The following ZFP64 variants were observed in gnomAD, a reference collection of about 807,000 sequenced individuals.
ZFP64 encodes ZFP64 zinc finger protein, also known as zinc finger protein 64.
In ZFP64, 14 loss-of-function variants were observed where a neutral mutation model predicts 51.6. The observed-to-expected ratio is 0.27, with a 90% CI of 0.18 to 0.42. The LOEUF (loss-of-function observed/expected upper bound fraction) is 0.42, where lower values mean the gene tolerates loss of function less well. ZFP64 is among the 10% of genes least tolerant of loss of function. The pLI is 1.00. For synonymous variants in ZFP64, 375 were observed against 361.4 expected (o/e 1.04, Z -0.43); for missense variants, 754 against 906.8 (o/e 0.83, Z 2.16).
At chr20:52,148,271 A>C (rs1445947824), downstream of ZFP64, among the ~76,000 whole-genome samples, 1 of 152,188 alleles carries the variant, frequency 6.6e-6, no homozygotes, top group Non-Finnish European at 1.5e-5. Flanking sequence ...TCAGATCTAT[A>C]ATCTTCCAGA....
In ZFP64 at chr20:52,191,367, A is replaced by G. The variant is rs1159613873; in HGVS notation, c.46+224T>C. On this transcript the variant is annotated intron_variant, in intron 1 of 5. Transcript: ENST00000216923. The surrounding 1 kb of genome is among the most constrained non-coding windows in gnomAD (Gnocchi z 4.3). Reference sequence around the variant, plus strand: ...CTTCCAAGGGGTCTCGCAAGGCTGGAGAGCGCCCCCGGTCTTGCGCCAGGT... The same window carrying G: ...CTTCCAAGGGGTCTCGCAAGGCTGGGGAGCGCCCCCGGTCTTGCGCCAGGT... Among the ~76,000 whole-genome samples the G allele has an allele frequency of 6.6e-6, 1 of 152,126 alleles. No individual in the cohort carries two copies. The highest frequency in any genetic ancestry group is 1.5e-5 in the Non-Finnish European group (1 of 68,000).
intron 5 of ZFP64, among the ~76,000 whole-genome samples, chr20:52,136,573 A>G (rs1371686294): frequency 6.6e-6 from 1 of 152,220 alleles, no homozygotes; most frequent in Non-Finnish European, 1.5e-5. Context: ...ATAACTGAAA[A>G]TAAACTGTAT....
At chr20:52,154,363 G>T (rs534079728) in intron 5 of ZFP64, among the ~76,000 whole-genome samples, 6 of 152,240 alleles carry the variant, frequency 3.9e-5, no homozygotes, top group African/African-American at 1.4e-4. Flanking sequence ...CAGAGGAGAA[G>T]GCTGAGACCC....
At chr20:52,111,109 G>C in intron 5 of ZFP64, 1 of 874,306 alleles carries the variant, frequency 1.1e-6, no homozygotes, top group East Asian at 2.6e-5. Flanking sequence ...GAGAGACGCG[G>C]AGCGGGGCAC....
At position 52,152,259 on chromosome 20, in the gene ZFP64, G is replaced by T. The variant is rs1980875817; in HGVS notation, c.1933C>A (p.Pro645Thr). 2 of 1,614,168 alleles carry T rather than the reference G, an allele frequency of 1.2e-6. No individual in the cohort carries two copies. Among genetic ancestry groups the T allele is most frequent in the Non-Finnish European group, 1.7e-6 (2 of 1,180,022 alleles). ...TGGGAAGAGGAGGAGAAGACCGGTG[G>T]CGCTGTGGTGGCCACTGCGATGTTC... ...GQNIAVATTA[P>T]PVFSSSSQQE... The change falls in exon 6 of 6, where the codon CCA becomes ACA. Residue 645 changes from proline (P) to threonine (T), a missense_variant. This residue lies in a region of ZFP64 where 428 missense variants were observed against 472.4 expected (regional missense o/e 0.91). Coordinates refer to ENST00000216923, the MANE Select transcript of ZFP64 (RefSeq NM_018197.3).
chr20:52,170,993 G>A (rs1001886915), intron 2 of ZFP64, among the ~76,000 whole-genome samples: 1 of 152,202 alleles, frequency 6.6e-6, no homozygotes, highest in African/African-American at 2.4e-5. Flanking sequence ...GGTCCAGGAA[G>A]GCCTCAGTGA....
chr20:52,168,626 C>T (rs1309826521), intron 2 of ZFP64, among the ~76,000 whole-genome samples: 1 of 152,162 alleles, frequency 6.6e-6, no homozygotes, highest in African/African-American at 2.4e-5. Context: ...GGCAGTAGAA[C>T]TTAACCCAGC....
At chr20:52,167,470 CCTCCCTCCCTTCCTCCCTCCCTTCTTCT>C (rs1275122428) in intron 2 of ZFP64, among the ~76,000 whole-genome samples, 10 of 84,452 alleles carry the variant, frequency 1.2e-4, no homozygotes, top group Admixed American at 4.0e-4. Flanking sequence ...AGGCATGTTT[CCTCCCTCCCTTCCTCCCTCCCTTCTTCT>C]CTCCCTCCCT....
chr20:52,130,027 A>G (rs1979647372), intron 5 of ZFP64, among the ~76,000 whole-genome samples: 1 of 151,748 alleles, frequency 6.6e-6, no homozygotes, highest in Non-Finnish European at 1.5e-5. Context: ...TTTGCCTGGA[A>G]CTCTGTTCCT....
intron 5 of ZFP64, among the ~76,000 whole-genome samples, chr20:52,154,903 G>A (rs1981176762): frequency 6.6e-6 from 1 of 152,048 alleles, no homozygotes; most frequent in African/African-American, 2.4e-5. Flanking sequence ...TTTACTATCT[G>A]GCCCTTTTCA....
downstream of ZFP64, among the ~76,000 whole-genome samples, chr20:52,149,193 T>G (rs1452461597): frequency 6.6e-6 from 1 of 151,442 alleles, no homozygotes; most frequent in Non-Finnish European, 1.5e-5. Context: ...GATGAGACTA[T>G]CATTGTGAAA....
chr20:52,094,587 C>T (rs891304361), intron 7 of ZFP64, among the ~76,000 whole-genome samples: 4 of 152,018 alleles, frequency 2.6e-5, no homozygotes, highest in Non-Finnish European at 4.4e-5. Flanking sequence ...AGTGAGACCT[C>T]GTCACTACAA....
chr20:52,112,625 T>TTTTTTTC (rs1555881122), intron 5 of ZFP64, among the ~76,000 whole-genome samples: 2 of 150,068 alleles, frequency 1.3e-5, no homozygotes, highest in Admixed American at 6.6e-5. Flanking sequence ...TTTTTTTTTT[T>TTTTTTTC]CTTTGTTGGG....
Position 52,107,843 on chromosome 20 carries a change from G to A in ZFP64, c.764-9256C>T, listed in dbSNP as rs553724134. Among the ~76,000 whole-genome samples the A allele has an allele frequency of 3.2e-4, 49 of 152,324 alleles. 1 individual carries two copies. Among genetic ancestry groups the A allele is most frequent in the African/African-American group, 1.1e-3 (45 of 41,586 alleles). On this transcript the variant is annotated intron_variant, in intron 5 of 8. Transcript: ENST00000361387. ...TATGATCTTTCTAAAAAGTGTCAGA[G>A]TTTCTCGTGAGTGAGTGTGTACCTG...
intron 5 of ZFP64, among the ~76,000 whole-genome samples, chr20:52,109,744 G>A (rs954164723): frequency 1.8e-4 from 25 of 135,208 alleles, no homozygotes; most frequent in African/African-American, 3.7e-4. Flanking sequence ...TCGTGCCACT[G>A]TACTCCAGCC....
Position 52,136,802 on chromosome 20 carries a change from T to C in ZFP64, c.763+23321A>G, listed in dbSNP as rs575947021. On this transcript the variant is annotated intron_variant, in intron 5 of 8. Transcript: ENST00000361387. The stretch of plus-strand genomic sequence containing the variant: ...GTTTTTTTGAGATGGAGTCTCACTC[T>C]GTCTCCCAGGCTGGAGTATAGTGGC... Among the ~76,000 whole-genome samples the C allele has an allele frequency of 4.1e-4, 63 of 152,312 alleles. No individual in the cohort carries two copies. The South Asian group carries it at 0.013, about 32-fold the overall frequency.
In ZFP64 at chr20:52,085,282, G is replaced by A; in HGVS notation, c.1229-16C>T. ...GGGGTATCCCCTAGCAATGGAAGGTGTGTTTCCATTAGAACAGGCAGGCAA... is the reference window on the plus strand; with the variant it reads ...GGGGTATCCCCTAGCAATGGAAGGTATGTTTCCATTAGAACAGGCAGGCAA... On this transcript the variant is annotated splice_polypyrimidine_tract_variant and intron_variant, in intron 8 of 8. Coordinates refer to the ZFP64 transcript ENST00000361387. The surrounding 1 kb of genome is among the most constrained non-coding windows in gnomAD (Gnocchi z 4.3). 6.3e-7 allele frequency: 1 copy of A among 1,595,906 alleles called. No homozygotes were observed. The highest frequency in any genetic ancestry group is 1.1e-5 in the South Asian group (1 of 87,800).
intron 2 of ZFP64, among the ~76,000 whole-genome samples, chr20:52,175,743 C>G (rs986409606): frequency 9.9e-5 from 15 of 152,174 alleles, no homozygotes; most frequent in Non-Finnish European, 1.5e-5. Context: ...ACGTGGGAGG[C>G]TGAGGCAGGA....
chr20:52,084,938 C>G (rs1362359983), exon 9 of ZFP64: 1 of 1,613,824 alleles, frequency 6.2e-7, no homozygotes, highest in South Asian at 1.1e-5. Context: ...AGGGACGGTC[C>G]TTACAGTGGA....
Sources: gnomAD v4.1 joint callset for allele counts (sites outside exome capture counted in the v4.1 genomes callset) on GRCh38, gnomAD v4.1.1 for gene constraint, gnomAD v4.1.1 regional missense constraint, Gnocchi (gnomAD v3.1) non-coding constraint, MANE v1.5 for transcripts, NCBI Gene and HGNC (gene_info 2026-07-23, HGNC 2026-07-21) for gene names.